Variants in PLCG2 observed in about 807,000 individuals in gnomAD.
PLCG2 encodes phospholipase C gamma 2.
In PLCG2, 69 loss-of-function variants were observed where a neutral mutation model predicts 175.6. The ratio of observed to expected loss-of-function variants is 0.39; its 90% confidence interval spans 0.32 to 0.48. The LOEUF (loss-of-function observed/expected upper bound fraction) is 0.48, where lower values mean the gene tolerates loss of function less well. Among genes scored for constraint, PLCG2 ranks in the 20% least tolerant of loss-of-function variants. The probability of loss-of-function intolerance (pLI) is 0.91; values close to 1 mark genes in which losing one functional copy is unlikely to be tolerated. For synonymous variants in PLCG2, 827 were observed against 624.0 expected (o/e 1.33, Z -4.85); for missense variants, 1,798 against 1,650.9 (o/e 1.09, Z -1.54).
chr16:81,952,580 C>T (rs766853435), intron 31 of PLCG2, among the ~76,000 whole-genome samples: 39 of 152,230 alleles, frequency 2.6e-4, no homozygotes, highest in Admixed American at 1.0e-3. Flanking sequence ...AACCAGGGAG[C>T]GCTCCCAATG....
chr16:81,938,912 G>T lies in PLCG2; in HGVS notation c.3310G>T (p.Val1104Leu), dbSNP rs1385319449. ...YDNNKFKTTV[V>L]NDNGLSPIWA... ...CAACAACAAGTTCAAGACGACGGTTGTGAGTAAGTCAGTCACCTTGGCCCC... is the reference window on the plus strand; with the variant it reads ...CAACAACAAGTTCAAGACGACGGTTTTGAGTAAGTCAGTCACCTTGGCCCC... The change falls in exon 29 of 33, where the codon GTG (valine) becomes TTG (leucine). Residue 1104 changes from valine (V) to leucine (L), a missense_variant. Val to Leu is a conservative substitution (Grantham distance 32, BLOSUM62 1). Coordinates refer to ENST00000564138, the MANE Select transcript of PLCG2 (RefSeq NM_002661.5). 2.5e-6 allele frequency: 4 copies of T among 1,589,734 alleles called. No individual in the cohort carries two copies. The African/African-American group carries it at 5.4e-5, about 21-fold the overall frequency.
intron 1 of PLCG2, among the ~76,000 whole-genome samples, chr16:81,783,850 C>G (rs973442344): frequency 6.6e-6 from 1 of 152,042 alleles, no homozygotes; most frequent in African/African-American, 2.4e-5. Flanking sequence ...TTAGCATACT[C>G]TGTTCTGCCT....
At chr16:81,773,105 G>A (rs13333892) in intron 2 of PLCG2, among the ~76,000 whole-genome samples, 37,134 of 152,106 alleles carry the variant, frequency 0.24, 4,900 homozygotes, top group East Asian at 0.56. Flanking sequence ...GAGTGACTGA[G>A]GCAGAGCAGG....
At chr16:81,858,380 T>C in intron 4 of PLCG2, 24 bp downstream of exon 4, 1 of 1,510,832 alleles carries the variant, frequency 6.6e-7, no homozygotes. Flanking sequence ...GCCTGTTGAT[T>C]TGCGTAGTTG....
chr16:81,916,834 C>A (rs1458639400), intron 19 of PLCG2, among the ~76,000 whole-genome samples: 1 of 152,100 alleles, frequency 6.6e-6, no homozygotes, highest in African/African-American at 2.4e-5. Flanking sequence ...GGTGGGGTTT[C>A]ACCATGTTGG....
At chr16:81,817,489 G>A (rs1904603303) in intron 2 of PLCG2, among the ~76,000 whole-genome samples, 1 of 152,216 alleles carries the variant, frequency 6.6e-6, no homozygotes, top group African/African-American at 2.4e-5. Flanking sequence ...CACTAGGGTG[G>A]TTTTAAACGC....
intron 7 of PLCG2, among the ~76,000 whole-genome samples, chr16:81,879,083 A>C (rs542496064): frequency 1.3e-5 from 2 of 151,952 alleles, no homozygotes; most frequent in Admixed American, 6.6e-5. Context: ...TGAGTGGGGG[A>C]ATGCGGTGCG....
chr16:81,796,013 C>G (rs538182257), intron 2 of PLCG2, among the ~76,000 whole-genome samples: 1 of 152,328 alleles, frequency 6.6e-6, no homozygotes, highest in African/African-American at 2.4e-5. Flanking sequence ...TTGGAGGGTA[C>G]AGAGGCAGCT....
intron 19 of PLCG2, among the ~76,000 whole-genome samples, chr16:81,917,539 A>C (rs1174162050): frequency 2.0e-5 from 3 of 152,128 alleles, no homozygotes; most frequent in Non-Finnish European, 4.4e-5. Flanking sequence ...CCTTTTCTCC[A>C]CATCCCCACC....
chr16:81,914,688 C>G (rs1227468641), intron 19 of PLCG2, among the ~76,000 whole-genome samples: 1 of 152,176 alleles, frequency 6.6e-6, no homozygotes, highest in East Asian at 1.9e-4. Flanking sequence ...CTCTCTCAGG[C>G]TAATGGTCTG....
intron 2 of PLCG2, among the ~76,000 whole-genome samples, chr16:81,808,252 G>C (rs898389378): frequency 6.6e-6 from 1 of 152,184 alleles, no homozygotes; most frequent in East Asian, 1.9e-4. Flanking sequence ...TTCCAACGGG[G>C]CTACACTGTT....
intron 1 of PLCG2, among the ~76,000 whole-genome samples, chr16:81,743,880 A>T (rs1909649653): frequency 6.7e-6 from 1 of 149,952 alleles, no homozygotes; most frequent in South Asian, 2.1e-4. Flanking sequence ...TTTTTTTAAG[A>T]CAGAGTCTTG....
chr16:81,757,175 C>G (rs932521655), intron 2 of PLCG2, among the ~76,000 whole-genome samples: 4 of 152,126 alleles, frequency 2.6e-5, no homozygotes, highest in African/African-American at 9.7e-5. Flanking sequence ...GAAATTCCAT[C>G]CACCCACTCA....
chr16:81,780,053 G>T (rs1910660410), intron 1 of PLCG2, among the ~76,000 whole-genome samples: 1 of 152,162 alleles, frequency 6.6e-6, no homozygotes, highest in Admixed American at 6.5e-5. Flanking sequence ...GGTTAAAGAC[G>T]TGCCCCGTTT....
At chr16:81,953,936 A>T (rs1019378303) in intron 31 of PLCG2, among the ~76,000 whole-genome samples, 6 of 152,236 alleles carry the variant, frequency 3.9e-5, no homozygotes, top group African/African-American at 1.4e-4. Context: ...TATATAGAAT[A>T]AAACAACAGA....
intron 31 of PLCG2, among the ~76,000 whole-genome samples, chr16:81,954,458 C>T (rs767579957): frequency 2.6e-5 from 4 of 152,186 alleles, no homozygotes; most frequent in African/African-American, 4.8e-5. Flanking sequence ...TTGCTGTACT[C>T]GTCAACCTGT....
At chr16:81,779,643 C>G (rs950710854) in intron 1 of PLCG2, among the ~76,000 whole-genome samples, 1 of 151,980 alleles carries the variant, frequency 6.6e-6, no homozygotes, top group Non-Finnish European at 1.5e-5. Flanking sequence ...TTCCTCACCC[C>G]GGGCCGGCGC....
intron 2 of PLCG2, among the ~76,000 whole-genome samples, chr16:81,843,200 A>G (rs994424965): frequency 2.6e-5 from 4 of 152,264 alleles, no homozygotes; most frequent in East Asian, 1.9e-4. Context: ...TTCAGTCACT[A>G]TGAGCCCTTG....
chr16:81,761,832 T>TAC (rs200900104), intron 2 of PLCG2, among the ~76,000 whole-genome samples: 2 of 145,268 alleles, frequency 1.4e-5, no homozygotes, highest in African/African-American at 5.4e-5. Context: ...CCTGCACATT[T>TAC]TTTTTTTTTT....
Sources: gnomAD v4.1 joint callset for allele counts (sites outside exome capture counted in the v4.1 genomes callset) on GRCh38, gnomAD v4.1.1 for gene constraint, MANE v1.5 for transcripts, NCBI Gene and HGNC (gene_info 2026-07-23, HGNC 2026-07-21) for gene names.